The following ARMCX4 variants were observed in gnomAD, a reference collection of about 807,000 sequenced individuals.
ARMCX4 encodes armadillo repeat containing X-linked 4, also known as armadillo repeat-containing X-linked protein 4.
Under a neutral mutation model 34.7 loss-of-function variants are expected in ARMCX4, and 3 were observed. That is an observed-to-expected ratio of 0.09 (90% CI 0.04 to 0.22). The LOEUF (loss-of-function observed/expected upper bound fraction) is 0.22, where lower values mean the gene tolerates loss of function less well. Ranked by LOEUF, ARMCX4 falls within the 10% of genes least tolerant of loss-of-function variation. ARMCX4 has a pLI of 1.00. For missense variants in ARMCX4, 1,448 were observed against 1,720.8 expected (o/e 0.84, Z 2.81); for synonymous variants, 513 against 632.8 (o/e 0.81, Z 2.84).
At chrX:101,420,759 G>C (rs782171564) in intron 2 of ARMCX4, among the ~76,000 whole-genome samples, 1 of 112,744 alleles carries the variant, frequency 8.9e-6, no homozygotes, top group Non-Finnish European at 1.9e-5. Context: ...AAAGTGGCTG[G>C]AGTTCAACAG....
At chrX:101,447,458 A>T (rs1333920324), downstream of ARMCX4, 1 of 112,148 alleles carries the variant, frequency 8.9e-6, no homozygotes, top group Non-Finnish European at 1.9e-5. Flanking sequence ...AAGAACATCG[A>T]CTAAACCCTG....
At chrX:101,527,879 C>T (rs1309692720) in intron 11 of ARMCX4, among the ~76,000 whole-genome samples, 1 of 111,687 alleles carries the variant, frequency 9.0e-6, no homozygotes, top group Non-Finnish European at 1.9e-5. Flanking sequence ...CAGACGGATT[C>T]ACAGCCGAAT....
In ARMCX4 at chrX:101,494,256, A is replaced by G. The variant is rs1556011141; in HGVS notation, c.5667A>G (p.Arg1889=). 4 of 1,154,856 alleles carry G rather than the reference A, an allele frequency of 3.5e-6. No homozygotes were observed. The highest frequency in any genetic ancestry group is 2.3e-4 in the Middle Eastern group (1 of 4,303). ...ATGTGGGAGAGGATGAGCTAAGTAG[A>G]GAGTCCAGCCCTGATATTGAGGAGA... ...ARNVGEDELS[R]ESSPDIEEIS... is the part of the protein sequence containing the mutation. Residue 1889 remains arginine, a synonymous_variant, in exon 6 of 6, where the codon AGA becomes AGG. Transcript: ENST00000423738.
chrX:101,427,581 A>G (rs1182752452), intron 2 of ARMCX4, among the ~76,000 whole-genome samples: 2 of 110,934 alleles, frequency 1.8e-5, no homozygotes, highest in Non-Finnish European at 3.8e-5. Context: ...GGGTTACACC[A>G]TGTTGGCCAG....
intron 7 of ARMCX4, among the ~76,000 whole-genome samples, chrX:101,502,699 CA>C (rs1556013985): frequency 1.8e-5 from 2 of 111,497 alleles, no homozygotes; most frequent in African/African-American, 6.5e-5. Flanking sequence ...CTATGTGACA[CA>C]GGCATTCAAG....
chrX:101,504,250 G>A (rs1359002214), intron 7 of ARMCX4, among the ~76,000 whole-genome samples: 25 of 111,584 alleles, frequency 2.2e-4, no homozygotes, highest in African/African-American at 7.2e-4. Context: ...TTTTGGCTTA[G>A]GATTGACTTG....
chrX:101,520,903 T>A (rs782310396), intron 11 of ARMCX4, among the ~76,000 whole-genome samples: 919 of 90,240 alleles, frequency 0.01, 6 homozygotes, highest in Middle Eastern at 0.056. Context: ...GGTTTTTTTT[T>A]AAAAAAATTA....
intron 4 of ARMCX4, among the ~76,000 whole-genome samples, chrX:101,453,061 G>T (rs181669031): frequency 3.4e-4 from 37 of 109,992 alleles, no homozygotes; most frequent in Non-Finnish European, 4.2e-4. Flanking sequence ...CGGTTAGATA[G>T]TTTTTTTTAG....
chrX:101,507,301 C>T (rs1934474790), intron 8 of ARMCX4, among the ~76,000 whole-genome samples: 1 of 111,759 alleles, frequency 8.9e-6, no homozygotes, highest in Admixed American at 9.6e-5. Context: ...ATCTCTTCCA[C>T]TCTCTGTCTC....
intron 7 of ARMCX4, among the ~76,000 whole-genome samples, chrX:101,502,062 A>G (rs1469882352): frequency 8.9e-6 from 1 of 112,066 alleles, no homozygotes; most frequent in African/African-American, 3.2e-5. Context: ...TGTCATATGA[A>G]TGGAAAATTA....
chrX:101,494,681 G>A lies in ARMCX4; in HGVS notation c.6092G>A (p.Arg2031His), dbSNP rs1440398765. The change falls in exon 6 of 6, where the codon CGC becomes CAC. Residue 2031 changes from arginine to histidine, a missense_variant. By Grantham distance (29) the Arg-to-His change is conservative. Coordinates refer to ENST00000423738, the MANE Select transcript of ARMCX4 (RefSeq NM_001256155.3). ...TGEKTRPWSCRCKHEANMDPR... is the reference protein window; with the variant it reads ...TGEKTRPWSCHCKHEANMDPR... ...GAAAAAACTCGGCCCTGGTCTTGCCGCTGTAAACACGAAGCTAATATGGAT... is the reference window on the plus strand; with the variant it reads ...GAAAAAACTCGGCCCTGGTCTTGCCACTGTAAACACGAAGCTAATATGGAT... 1.7e-6 allele frequency: 2 copies of A among 1,153,805 alleles called. No homozygotes were observed. Among genetic ancestry groups the A allele is most frequent in the South Asian group, 1.9e-5 (1 of 52,550 alleles).
chrX:101,527,441 A>G (rs1377557506), intron 11 of ARMCX4, among the ~76,000 whole-genome samples: 1 of 111,679 alleles, frequency 9.0e-6, no homozygotes, highest in African/African-American at 3.3e-5. Flanking sequence ...AAAAGCAAAC[A>G]AATTCAAAAG....
intron 11 of ARMCX4, chrX:101,516,788 A>G (rs1556018046): frequency 9.0e-6 from 1 of 111,325 alleles, no homozygotes; most frequent in African/African-American, 3.3e-5. Flanking sequence ...CAGCCTTGGC[A>G]TTATCAGTAC....
chrX:101,471,919 C>T (rs782528798), intron 4 of ARMCX4, among the ~76,000 whole-genome samples: 198 of 106,056 alleles, frequency 1.9e-3, no homozygotes, highest in Admixed American at 3.1e-3. Flanking sequence ...TCCAAAGGAA[C>T]GCAGTTCCTC....
intron 7 of ARMCX4, among the ~76,000 whole-genome samples, chrX:101,504,356 G>T (rs1410416606): frequency 9.0e-6 from 1 of 111,203 alleles, no homozygotes; most frequent in African/African-American, 3.3e-5. Flanking sequence ...GGATGGCATT[G>T]AATCTATAAA....
downstream of ARMCX4, among the ~76,000 whole-genome samples, chrX:101,535,126 G>T (rs1267604739): frequency 6.3e-5 from 7 of 111,295 alleles, no homozygotes; most frequent in Non-Finnish European, 1.3e-4. Context: ...TGGGGGGCTG[G>T]TGGGAAGGTA....
At chrX:101,460,887 C>T (rs782614966) in intron 4 of ARMCX4, among the ~76,000 whole-genome samples, 19 of 110,892 alleles carry the variant, frequency 1.7e-4, no homozygotes, top group Non-Finnish European at 3.2e-4. Context: ...TTGCATAATC[C>T]CTATCCTTGA....
intron 8 of ARMCX4, among the ~76,000 whole-genome samples, chrX:101,508,767 T>C (rs1221553347): frequency 8.9e-6 from 1 of 111,818 alleles, no homozygotes; most frequent in Non-Finnish European, 1.9e-5. Flanking sequence ...CAAAATAACA[T>C]ACTTATATTG....
intron 2 of ARMCX4, among the ~76,000 whole-genome samples, chrX:101,436,223 A>AT (rs1462759020): frequency 1.8e-5 from 2 of 109,891 alleles, no homozygotes; most frequent in Non-Finnish European, 3.8e-5. Context: ...GAATCTATAA[A>AT]TTACCTTGGG....
Sources: gnomAD v4.1 joint callset for allele counts (sites outside exome capture counted in the v4.1 genomes callset) on GRCh38, gnomAD v4.1.1 for gene constraint, MANE v1.5 for transcripts, NCBI Gene and HGNC (gene_info 2026-07-23, HGNC 2026-07-21) for gene names.